The following IHO1 variants were observed in gnomAD, a reference collection of about 807,000 sequenced individuals.
IHO1 encodes interactor of HORMAD1 protein 1.
In IHO1, 13 loss-of-function variants were observed where a neutral mutation model predicts 31.0. The ratio of observed to expected loss-of-function variants is 0.42; its 90% CI spans 0.27 to 0.67. The LOEUF is 0.67. Ranked by LOEUF, IHO1 falls within the 30% of genes least tolerant of loss-of-function variation. The probability of loss-of-function intolerance (pLI) is 0.24; values close to 1 mark genes in which losing one functional copy is unlikely to be tolerated. For missense variants in IHO1, 599 were observed against 687.5 expected, an observed-to-expected ratio of 0.87 and a Z score of 1.44; for synonymous variants, 221 against 248.4, an observed-to-expected ratio of 0.89 and a Z score of 1.04.
At chr3:49,243,232 G>A (rs1374033314) in intron 4 of IHO1, among the ~76,000 whole-genome samples, 8 of 151,944 alleles carry the variant, frequency 5.3e-5, no homozygotes, top group African/African-American at 1.9e-4. Context: ...AACCTCTGCC[G>A]CCTGGGTTCA....
At chr3:49,238,331 T>C (rs900325876) in intron 3 of IHO1, among the ~76,000 whole-genome samples, 3 of 152,162 alleles carry the variant, frequency 2.0e-5, no homozygotes, top group African/African-American at 7.2e-5. Context: ...TTTTTCCCTC[T>C]GTCACCCAGG....
At chr3:49,240,068 CAG>C (rs1559449315) in intron 3 of IHO1, among the ~76,000 whole-genome samples, 1 of 151,848 alleles carries the variant, frequency 6.6e-6, no homozygotes, top group African/African-American at 2.4e-5. Context: ...TCTTTTGAGA[CAG>C]AGTCGCACTC....
At chr3:49,212,644 A>C (rs1331589072) in intron 2 of IHO1, among the ~76,000 whole-genome samples, 1 of 152,042 alleles carries the variant, frequency 6.6e-6, no homozygotes. Flanking sequence ...TGAGTGTTAC[A>C]GTTCTTAAAA....
chr3:49,254,909 C>G (rs936865228), intron 6 of IHO1, among the ~76,000 whole-genome samples: 6 of 151,718 alleles, frequency 4.0e-5, no homozygotes, highest in African/African-American at 1.5e-4. Flanking sequence ...ACTAAAAATA[C>G]AAAAATTAGC....
intron 6 of IHO1, among the ~76,000 whole-genome samples, chr3:49,250,433 T>G (rs1317177026): frequency 6.6e-6 from 1 of 152,232 alleles, no homozygotes; most frequent in African/African-American, 2.4e-5. Flanking sequence ...GGACCTCAGA[T>G]GGATGCTTTC....
intron 2 of IHO1, among the ~76,000 whole-genome samples, chr3:49,226,362 C>A (rs1575575736): frequency 6.6e-6 from 1 of 152,138 alleles, no homozygotes; most frequent in African/African-American, 2.4e-5. Flanking sequence ...GATCAATTGA[C>A]CCTCGAGTGA....
intron 2 of IHO1, among the ~76,000 whole-genome samples, chr3:49,214,870 C>G (rs898580262): frequency 3.3e-5 from 5 of 151,432 alleles, no homozygotes; most frequent in Non-Finnish European, 7.4e-5. Context: ...AAACAACTGA[C>G]CTCAGGTGAT....
chr3:49,238,910 C>T (rs1338321525), intron 3 of IHO1, among the ~76,000 whole-genome samples: 1 of 152,176 alleles, frequency 6.6e-6, no homozygotes, highest in Non-Finnish European at 1.5e-5. Context: ...TCCTTGAGGG[C>T]TCTGGTTTTG....
rs147589348 is a variant in IHO1, at chr3:49,208,261, C to T, written c.-15-3505C>T. Among the ~76,000 whole-genome samples, 462 of 152,298 alleles carry T rather than the reference C, an allele frequency of 3.0e-3. 5 individuals carry two copies. The highest frequency in any genetic ancestry group is 0.01 in the African/African-American group (418 of 41,562). ...ACAGGGGTCTCCAACACCCAGGCCC[C>T]GGACCAGTACCAGTCAGTCCATGGC... is the stretch of plus-strand genomic sequence containing the variant. On this transcript the variant is annotated intron_variant, in intron 1 of 7. Coordinates refer to ENST00000452691, the MANE Select transcript of IHO1 (RefSeq NM_001135197.2).
At chr3:49,195,830 G>C (rs141056691), upstream of IHO1, among the ~76,000 whole-genome samples, 1 of 150,626 alleles carries the variant, frequency 6.6e-6, no homozygotes, top group African/African-American at 2.4e-5. Flanking sequence ...GGCCAGGCGC[G>C]GTGGCTAACG....
rs549255533 is a variant in IHO1, at chr3:49,255,249, G to C, written c.533-141G>C. 105 of 547,530 alleles carry C rather than the reference G, an allele frequency of 1.9e-4. 1 individual carries two copies. In the South Asian group the frequency reaches 2.7e-3, roughly 14 times the overall value. The allele number at this position is 547,530 out of a possible 1,614,324, so 33.9% of individuals were successfully genotyped here. On this transcript the variant is annotated intron_variant, in intron 6 of 7. Transcript: ENST00000452691. Reference sequence around the variant, plus strand: ...GCCCTAGCCAGGATCTTGTCAAGGAGGGAGGGAAGGAGAGCCTGGAGGAAC... The same window carrying C: ...GCCCTAGCCAGGATCTTGTCAAGGACGGAGGGAAGGAGAGCCTGGAGGAAC...
the IHO1 span, among the ~76,000 whole-genome samples, chr3:49,193,422 G>A: frequency 6.6e-6 from 1 of 151,880 alleles, no homozygotes; most frequent in Non-Finnish European, 1.5e-5. Context: ...GAGTTGGCCG[G>A]GAGCGGTAGC....
chr3:49,244,613 C>T, intron 5 of IHO1, 33 bp from the exon 6 acceptor site: 1 of 1,576,782 alleles, frequency 6.3e-7, no homozygotes. Flanking sequence ...AGGCAATAGC[C>T]TGTGAATTAT....
At position 49,255,504 on chromosome 3, in the gene IHO1, AC is replaced by A; in HGVS notation, c.636+15del. On this transcript the variant is annotated intron_variant, in intron 7 of 7. Transcript: ENST00000452691. Reference sequence around the variant, plus strand: ...AAAAGATTTGAAGCTGTAAGTGTAAACCCCAACCTCTTTCTAAGTGTGTTTT... The same window carrying A: ...AAAAGATTTGAAGCTGTAAGTGTAAACCCAACCTCTTTCTAAGTGTGTTTT... The A allele has an allele frequency of 6.5e-7, 1 of 1,545,712 alleles. No homozygotes were observed. The highest frequency in any genetic ancestry group is 1.2e-5 in the South Asian group (1 of 83,748).
intron 1 of IHO1, among the ~76,000 whole-genome samples, chr3:49,210,697 CT>C (rs768927173): frequency 0.016 from 2,158 of 131,516 alleles, 37 homozygotes; most frequent in African/African-American, 0.053. Flanking sequence ...CTGCGCCCGG[CT>C]TTTTTTTTTT....
chr3:49,198,384 G>A (rs2046015563), upstream of IHO1: 1 of 152,448 alleles, frequency 6.6e-6, no homozygotes, highest in Non-Finnish European at 1.5e-5. Context: ...TTCTCCTGGT[G>A]TCTTTCCCCG....
intron 2 of IHO1, among the ~76,000 whole-genome samples, chr3:49,224,012 C>T (rs1015546449): frequency 2.0e-5 from 3 of 152,026 alleles, no homozygotes; most frequent in Admixed American, 2.0e-4. Context: ...TTGGATGGCC[C>T]GGAAGAGATT....
intron 4 of IHO1, among the ~76,000 whole-genome samples, chr3:49,242,822 A>T (rs139586035): frequency 6.6e-6 from 1 of 152,104 alleles, no homozygotes; most frequent in Admixed American, 6.6e-5. Flanking sequence ...ACAAGCAAAA[A>T]AACAACAACA....
At chr3:49,213,404 A>G (rs1432334908) in intron 2 of IHO1, among the ~76,000 whole-genome samples, 2 of 152,220 alleles carry the variant, frequency 1.3e-5, no homozygotes, top group Non-Finnish European at 2.9e-5. Context: ...TGATTGGTGT[A>G]TCTACAATCC....
Sources: gnomAD v4.1 joint callset for allele counts (sites outside exome capture counted in the v4.1 genomes callset) on GRCh38, gnomAD v4.1.1 for gene constraint, MANE v1.5 for transcripts, NCBI Gene and HGNC (gene_info 2026-07-23, HGNC 2026-07-21) for gene names.